Variants in KIF13A observed in about 807,000 individuals in gnomAD.
The protein encoded by KIF13A is kinesin-like protein KIF13A.
A neutral mutation model predicts 212.2 loss-of-function variants in KIF13A; 79 were observed. The ratio of observed to expected loss-of-function variants is 0.37; its 90% CI spans 0.31 to 0.45. KIF13A has a LOEUF of 0.45. Ranked by LOEUF, KIF13A falls within the 20% of genes least tolerant of loss-of-function variation. The pLI is 1.00. For synonymous variants in KIF13A, 789 were observed against 808.6 expected, an observed-to-expected ratio of 0.98 and a Z score of 0.41; for missense variants, 1,901 against 2,209.0, an observed-to-expected ratio of 0.86 and a Z score of 2.79.
chr6:17,863,926 C>T lies in KIF13A; in HGVS notation c.221-7804G>A, dbSNP rs149459771. On this transcript the variant is annotated intron_variant, in intron 4 of 38. Transcript: ENST00000259711. ...AGTTCATGAAAAAAGGAGCTGTTTA[C>T]GCTGAGTGGTGGGAATCAGGGAATT... is the stretch of plus-strand genomic sequence containing the variant. Among the ~76,000 whole-genome samples, 51 of 152,224 alleles carry T rather than the reference C, an allele frequency of 3.4e-4. No individual in the cohort carries two copies. In the East Asian group the frequency reaches 9.4e-3, roughly 28 times the overall value.
intron 2 of KIF13A, among the ~76,000 whole-genome samples, chr6:17,965,308 T>A (rs1009263424): frequency 6.8e-6 from 1 of 147,686 alleles, no homozygotes; most frequent in Admixed American, 6.7e-5. Context: ...AAGTGTTGTT[T>A]CCATACAACC....
intron 16 of KIF13A, among the ~76,000 whole-genome samples, chr6:17,820,737 C>A (rs533926913): frequency 6.6e-6 from 1 of 152,262 alleles, no homozygotes; most frequent in South Asian, 2.1e-4. Context: ...TTACTTTGGG[C>A]ATAGCACTTT....
At chr6:17,822,833 G>A (rs1397443172) in intron 16 of KIF13A, among the ~76,000 whole-genome samples, 10 of 152,172 alleles carry the variant, frequency 6.6e-5, no homozygotes, top group African/African-American at 1.2e-4. Context: ...ACGTCACTTC[G>A]AAATGTCTCT....
intron 2 of KIF13A, among the ~76,000 whole-genome samples, chr6:17,904,736 A>G (rs539656728): frequency 4.6e-5 from 7 of 152,318 alleles, no homozygotes; most frequent in Admixed American, 4.6e-4. Context: ...CATATTGACT[A>G]TAATTAGCTA....
At chr6:17,806,477 C>T (rs1762959172) in intron 18 of KIF13A, among the ~76,000 whole-genome samples, 2 of 152,242 alleles carry the variant, frequency 1.3e-5, no homozygotes, top group African/African-American at 2.4e-5. Flanking sequence ...TGATAAGATA[C>T]TCCCTGACTC....
intron 16 of KIF13A, among the ~76,000 whole-genome samples, chr6:17,822,981 T>C (rs539084818): frequency 2.0e-5 from 3 of 152,260 alleles, no homozygotes; most frequent in South Asian, 2.1e-4. Context: ...AAGACAGAAA[T>C]TGCCAAACTT....
At chr6:17,775,424 T>G (rs1468204655) in intron 34 of KIF13A, among the ~76,000 whole-genome samples, 1 of 152,206 alleles carries the variant, frequency 6.6e-6, no homozygotes, top group African/African-American at 2.4e-5. Context: ...TTTATGAGAA[T>G]CTCTAGAGTA....
chr6:17,958,278 A>G (rs780601315), intron 2 of KIF13A, among the ~76,000 whole-genome samples: 4 of 152,336 alleles, frequency 2.6e-5, no homozygotes, highest in Non-Finnish European at 5.9e-5. Context: ...CTCAAAAGAT[A>G]CTGAAGGGGT....
chr6:17,818,877 G>C (rs1354499999), intron 16 of KIF13A, among the ~76,000 whole-genome samples: 1 of 152,090 alleles, frequency 6.6e-6, no homozygotes, highest in African/African-American at 2.4e-5. Flanking sequence ...TTCTGTGAAA[G>C]AGTGATACTT....
chr6:17,854,995 C>T (rs190565028), intron 6 of KIF13A, among the ~76,000 whole-genome samples: 37 of 152,258 alleles, frequency 2.4e-4, no homozygotes, highest in African/African-American at 8.2e-4. Context: ...TATGGGTGGA[C>T]ATCAGGCAAG....
At chr6:17,863,409 A>C (rs639316) in intron 4 of KIF13A, among the ~76,000 whole-genome samples, 72,373 of 150,710 alleles carry the variant, frequency 0.48, 17,485 homozygotes, top group East Asian at 0.58. Context: ...GTACAGGGAA[A>C]AAAAAAACCC....
intron 3 of KIF13A, among the ~76,000 whole-genome samples, chr6:17,877,716 G>T: frequency 6.8e-6 from 1 of 147,926 alleles, no homozygotes; most frequent in Admixed American, 6.8e-5. Flanking sequence ...TTATATCCCG[G>T]GCACTGTGCC....
In KIF13A at chr6:17,971,010, T is replaced by C. The variant is rs1013076137; in HGVS notation, c.146+16044A>G. 2.6e-5 allele frequency among the ~76,000 whole-genome samples: 4 copies of C among 152,328 alleles called. No homozygotes were observed. Among genetic ancestry groups the C allele is most frequent in the Admixed American group, 1.3e-4 (2 of 15,300 alleles). On this transcript the variant is annotated intron_variant, in intron 2 of 38. Transcript: ENST00000259711. This position sits in a 1 kb window ranked among gnomAD's most constrained non-coding sequence, Gnocchi z 4.2. The stretch of plus-strand genomic sequence containing the variant: ...ATTTTATTTCGGCTTTTAAAAAGAT[T>C]GGTGAGGTTATTTCAATACATCAAA...
At chr6:17,878,560 A>G (rs1770780640) in intron 3 of KIF13A, among the ~76,000 whole-genome samples, 1 of 152,026 alleles carries the variant, frequency 6.6e-6, no homozygotes, top group South Asian at 2.1e-4. Context: ...TATTACAGGC[A>G]TGAGCCACTG....
rs768601692 is a variant in KIF13A at position 17,773,549 on chromosome 6, T to C, written c.4253A>G (p.Tyr1418Cys). 9 of 1,611,580 alleles carry C rather than the reference T, an allele frequency of 5.6e-6. No individual in the cohort carries two copies. Among genetic ancestry groups the C allele is most frequent in the South Asian group, 1.1e-5 (1 of 90,876 alleles). ...WPENQLDMSD[Y>C]SSSYQDVACY... ...TGCTACATCTTGGTAACTGGAGCTATAGTCAGACATGTCCAACTGGTTCTC... is the reference window on the plus strand; with the variant it reads ...TGCTACATCTTGGTAACTGGAGCTACAGTCAGACATGTCCAACTGGTTCTC... Residue 1418 changes from tyrosine to cysteine, a missense_variant, in exon 36 of 39, where the codon TAT (tyrosine) becomes TGT (cysteine). Coordinates refer to ENST00000259711, the MANE Select transcript of KIF13A (RefSeq NM_022113.6). This position sits in a 1 kb window ranked among gnomAD's most constrained non-coding sequence, Gnocchi z 4.2.
intron 2 of KIF13A, among the ~76,000 whole-genome samples, chr6:17,937,360 C>T (rs1176644579): frequency 1.3e-5 from 2 of 152,166 alleles, no homozygotes; most frequent in Non-Finnish European, 2.9e-5. Context: ...AGATTAAACT[C>T]CTGAGGTTGC....
At chr6:17,798,492 T>TCCC (rs1762225642) in intron 22 of KIF13A, among the ~76,000 whole-genome samples, 1 of 152,238 alleles carries the variant, frequency 6.6e-6, no homozygotes, top group Non-Finnish European at 1.5e-5. Flanking sequence ...AAAGAAAAAC[T>TCCC]TGACAGCCCT....
chr6:17,863,784 G>A (rs1384611152), intron 4 of KIF13A, among the ~76,000 whole-genome samples: 1 of 152,032 alleles, frequency 6.6e-6, no homozygotes, highest in Non-Finnish European at 1.5e-5. Flanking sequence ...AAGACCGAAG[G>A]ATTTTTGTTT....
rs970673814 is a variant in KIF13A at position 17,871,763 on chromosome 6, T to C, written c.220+1614A>G. On this transcript the variant is annotated intron_variant, in intron 4 of 38. Transcript: ENST00000259711. The surrounding 1 kb of genome is among the most constrained non-coding windows in gnomAD (Gnocchi z 4.4). ...ATGTGATGAGGAGTCCTGGAAAGTA[T>C]CTGAGAAGTGCATGAGAAGAGCTCC... is the stretch of plus-strand genomic sequence containing the variant. Among the ~76,000 whole-genome samples the C allele has an allele frequency of 6.6e-6, 1 of 152,204 alleles. No individual in the cohort carries two copies. The highest frequency in any genetic ancestry group is 2.4e-5 in the African/African-American group (1 of 41,458).
Sources: allele counts gnomAD v4.1 joint callset (sites outside exome capture counted in the v4.1 genomes callset), GRCh38; gene constraint gnomAD v4.1.1; non-coding constraint Gnocchi (gnomAD v3.1); transcripts MANE v1.5; gene names NCBI Gene and HGNC (gene_info 2026-07-23, HGNC 2026-07-21).